The following RBPJ variants were observed in gnomAD, a reference collection of about 807,000 sequenced individuals.
RBPJ encodes recombination signal binding protein for immunoglobulin kappa J region.
A neutral mutation model predicts 67.8 loss-of-function variants in RBPJ; 9 were observed. That is an observed-to-expected ratio of 0.13 (90% confidence interval 0.08 to 0.23). The LOEUF (loss-of-function observed/expected upper bound fraction) is 0.23. RBPJ is among the 10% of genes least tolerant of loss of function. RBPJ has a pLI of 1.00. For missense variants in RBPJ, 305 were observed against 595.6 expected (o/e 0.51, Z 5.08); for synonymous variants, 198 against 203.3 (o/e 0.97, Z 0.22).
chr4:26,382,221 A>G (rs529003266), intron 1 of RBPJ, among the ~76,000 whole-genome samples: 1 of 152,242 alleles, frequency 6.6e-6, no homozygotes, highest in Non-Finnish European at 1.5e-5. Context: ...CTTCTTTCCC[A>G]GTATCCCTAC....
intron 1 of RBPJ, among the ~76,000 whole-genome samples, chr4:26,273,875 T>C (rs541271175): frequency 7.9e-5 from 12 of 152,174 alleles, no homozygotes; most frequent in Non-Finnish European, 1.2e-4. Context: ...GTCATCGCCA[T>C]TTGCATCTTC....
chr4:26,307,724 GA>G (rs1014186756), intron 1 of RBPJ, among the ~76,000 whole-genome samples: 2 of 151,652 alleles, frequency 1.3e-5, no homozygotes, highest in African/African-American at 2.4e-5. Flanking sequence ...AAAGCTGGAA[GA>G]AAAAAAACAA....
intron 1 of RBPJ, among the ~76,000 whole-genome samples, chr4:26,235,983 A>G (rs1719438848): frequency 6.6e-6 from 1 of 152,254 alleles, no homozygotes. Context: ...CAATCATTTT[A>G]TCCACAACCA....
At chr4:26,428,596 A>C (rs918819092) in intron 7 of RBPJ, 124 bp from the exon 8 acceptor site, 1 of 679,820 alleles carries the variant, frequency 1.5e-6, no homozygotes, top group East Asian at 2.8e-5. Flanking sequence ...ATATGTAGGC[A>C]TAGGACAAAT....
chr4:26,270,238 G>A (rs1195436747), intron 1 of RBPJ, among the ~76,000 whole-genome samples: 2 of 141,336 alleles, frequency 1.4e-5, no homozygotes, highest in South Asian at 2.4e-4. Context: ...CCAAGAAATC[G>A]TACCACTGCT....
intron 1 of RBPJ, among the ~76,000 whole-genome samples, chr4:26,346,798 C>T (rs1164476661): frequency 6.6e-6 from 1 of 152,032 alleles, no homozygotes; most frequent in African/African-American, 2.4e-5. Flanking sequence ...TTGAGACCAG[C>T]CTGGCCAATG....
the RBPJ span, among the ~76,000 whole-genome samples, chr4:26,140,834 CAAAT>C: frequency 8.7e-3 from 1,210 of 138,504 alleles, 10 homozygotes; most frequent in African/African-American, 0.014. Flanking sequence ...GACCCTTCCA[CAAAT>C]AAATAAATAA....
At chr4:26,208,565 G>A (rs1157273221) in intron 1 of RBPJ, among the ~76,000 whole-genome samples, 2 of 152,136 alleles carry the variant, frequency 1.3e-5, no homozygotes, top group Non-Finnish European at 2.9e-5. Flanking sequence ...AAACTGAAAG[G>A]ATTTTTAAAT....
rs879558737 is a variant in RBPJ, at chr4:26,311,930, TA to T, written c.-166-50504del. Among the ~76,000 whole-genome samples, 517 of 145,854 alleles carry T rather than the reference TA, an allele frequency of 3.5e-3. 2 individuals carry two copies. The highest frequency in any genetic ancestry group is 6.3e-3 in the African/African-American group (252 of 40,056). On this transcript the variant is annotated intron_variant, in intron 1 of 4. Coordinates refer to the RBPJ transcript ENST00000512351. ...TGAGCAACAGAGCAAGATCCTGTCT[TA>T]AAAAAAAAAAATCTTAAAGCTCAGT...
intron 1 of RBPJ, among the ~76,000 whole-genome samples, chr4:26,350,931 A>G (rs1044029427): frequency 1.3e-5 from 2 of 152,222 alleles, no homozygotes; most frequent in Non-Finnish European, 2.9e-5. Flanking sequence ...AGGTTAGCCA[A>G]TTCTTGGTAG....
intron 1 of RBPJ, among the ~76,000 whole-genome samples, chr4:26,246,958 A>T (rs1172673126): frequency 6.8e-6 from 1 of 147,826 alleles, no homozygotes; most frequent in East Asian, 2.0e-4. Flanking sequence ...TCTATTATCT[A>T]TGGAACATAA....
At chr4:26,131,830 G>T in the RBPJ span, among the ~76,000 whole-genome samples, 3 of 152,162 alleles carry the variant, frequency 2.0e-5, no homozygotes, top group Non-Finnish European at 2.9e-5. Flanking sequence ...CCCCATTTGT[G>T]GTTGTTTGTT....
At chr4:26,173,616 C>G (rs28614135) in intron 1 of RBPJ, among the ~76,000 whole-genome samples, 3 of 152,278 alleles carry the variant, frequency 2.0e-5, no homozygotes, top group Admixed American at 2.0e-4. Context: ...ACCCACGACT[C>G]CAGATAACTT....
intron 1 of RBPJ, among the ~76,000 whole-genome samples, chr4:26,263,102 G>A (rs771337661): frequency 8.5e-5 from 13 of 152,164 alleles, no homozygotes; most frequent in Non-Finnish European, 1.5e-4. Flanking sequence ...CACTTTGATT[G>A]TACCCTATGG....
intron 1 of RBPJ, among the ~76,000 whole-genome samples, chr4:26,271,909 T>A (rs11942812): frequency 0.53 from 81,107 of 152,024 alleles, 22,063 homozygotes; most frequent in Admixed American, 0.61. Context: ...ACGTGCGTGC[T>A]TGAACATGTG....
At chr4:26,320,116 G>A (rs1577426552), upstream of RBPJ, among the ~76,000 whole-genome samples, 1 of 152,336 alleles carries the variant, frequency 6.6e-6, no homozygotes, top group East Asian at 1.9e-4. Context: ...GTCTTAGAGA[G>A]GCCATGCAGC....
chr4:26,137,381 G>A, the RBPJ span, among the ~76,000 whole-genome samples: 1 of 152,270 alleles, frequency 6.6e-6, no homozygotes, highest in East Asian at 1.9e-4. Context: ...TTTCTGAACT[G>A]TCCGTGTGTA....
the RBPJ span, among the ~76,000 whole-genome samples, chr4:26,128,850 A>G: frequency 3.3e-5 from 5 of 152,224 alleles, no homozygotes; most frequent in East Asian, 7.7e-4. Flanking sequence ...ACAAGATCTG[A>G]TGGTTTTATA....
At chr4:26,322,820 G>A (rs1723229669) in intron 1 of RBPJ, 1 of 151,778 alleles carries the variant, frequency 6.6e-6, no homozygotes, top group Admixed American at 6.6e-5. Context: ...GGTGTGGTGT[G>A]ATGTATTCTA....
Sources: gnomAD v4.1 joint callset for allele counts (sites outside exome capture counted in the v4.1 genomes callset) on GRCh38, gnomAD v4.1.1 for gene constraint, MANE v1.5 for transcripts, NCBI Gene and HGNC (gene_info 2026-07-23, HGNC 2026-07-21) for gene names.